LIN7B: variants seen among roughly 807,000 people sequenced by gnomAD.
LIN7B encodes lin-7 cell polarity scaffold B.
Under a neutral mutation model 27.9 loss-of-function variants are expected in LIN7B, and 16 were observed. That is an observed-to-expected ratio of 0.57 (90% CI 0.39 to 0.87). LIN7B has a LOEUF of 0.87. LIN7B is among the 40% of genes least tolerant of loss of function. The pLI, the probability that LIN7B is intolerant of heterozygous loss-of-function variation, is 0.00. For missense variants in LIN7B, 291 were observed against 288.5 expected (o/e 1.01, Z -0.06); for synonymous variants, 147 against 120.8 (o/e 1.22, Z -1.42).
chr19:49,115,345 C>A lies in LIN7B; in HGVS notation c.228+14C>A. 6.4e-7 allele frequency: 1 copy of A among 1,562,624 alleles called. No individual in the cohort carries two copies. Among genetic ancestry groups the A allele is most frequent in the Non-Finnish European group, 8.7e-7 (1 of 1,152,264 alleles). ...GCCACAGCCAAGGTGGGCCCCGCACCCCATTGCTCCTGGTGTCTATTTAAC... is the reference window on the plus strand; with the variant it reads ...GCCACAGCCAAGGTGGGCCCCGCACACCATTGCTCCTGGTGTCTATTTAAC... On this transcript the variant is annotated intron_variant, in intron 3 of 5. Transcript: ENST00000221459.
chr19:49,117,130 C>T (rs986992477), intron 4 of LIN7B, among the ~76,000 whole-genome samples: 4 of 151,650 alleles, frequency 2.6e-5, no homozygotes, highest in Non-Finnish European at 5.9e-5. Context: ...CCTGTAATCC[C>T]AGCTACTTGG....
At chr19:49,116,593 C>A in intron 4 of LIN7B, 121 bp downstream of exon 4, 2 of 929,508 alleles carry the variant, frequency 2.2e-6, no homozygotes, top group Non-Finnish European at 3.3e-6. Flanking sequence ...CTGTGCTGGG[C>A]AATGTTACAG....
rs1020560751 is a variant in LIN7B, at chr19:49,116,444, G to A, written c.410G>A (p.Gly137Glu). 8 of 1,614,198 alleles carry A rather than the reference G, an allele frequency of 5.0e-6. No individual in the cohort carries two copies. Among genetic ancestry groups the A allele is most frequent in the Non-Finnish European group, 6.8e-6 (8 of 1,180,022 alleles). ...VADRHGGLKR[G>E]DQLLSVNGVS... is the part of the protein sequence containing the mutation. Reference sequence around the variant, plus strand: ...GACCGCCATGGAGGCCTCAAGCGTGGGGATCAACTGTTGTCGGTGAACGGT... The same window carrying A: ...GACCGCCATGGAGGCCTCAAGCGTGAGGATCAACTGTTGTCGGTGAACGGT... The change falls in exon 4 of 6, where the codon GGG becomes GAG. Residue 137 changes from glycine (G) to glutamate (E), a missense_variant. Physicochemically the swap from Gly to Glu is moderately conservative, Grantham distance 98. Coordinates refer to ENST00000221459, the MANE Select transcript of LIN7B (RefSeq NM_022165.3).
intron 4 of LIN7B, among the ~76,000 whole-genome samples, chr19:49,117,433 C>G (rs925357274): frequency 2.0e-5 from 3 of 151,816 alleles, no homozygotes; most frequent in Non-Finnish European, 2.9e-5. Context: ...TGCAGAAGGA[C>G]CACTCTGGGA....
At chr19:49,114,505 C>T in intron 1 of LIN7B, 64 bp downstream of exon 1, 5 of 1,150,048 alleles carry the variant, frequency 4.3e-6, no homozygotes, top group Non-Finnish European at 5.4e-6. Context: ...CCCCCGGTCC[C>T]CGCCCTTCCC....
At position 49,117,968 on chromosome 19, in the gene LIN7B, G is replaced by A; in HGVS notation, c.552G>A (p.Arg184=). The change falls in exon 5 of 6, where the codon CGG becomes CGA. Residue 184 remains arginine, a synonymous_variant. Coordinates refer to ENST00000221459, the MANE Select transcript of LIN7B (RefSeq NM_022165.3). ...TPRVLEEMEA[R]FEKMRSARRR... is the part of the protein sequence containing the mutation. Reference sequence around the variant, plus strand: ...GAGTGCTGGAGGAGATGGAGGCCCGGTTCGAGAAGATGCGCTCTGCCCGCC... The same window carrying A: ...GAGTGCTGGAGGAGATGGAGGCCCGATTCGAGAAGATGCGCTCTGCCCGCC... The A allele has an allele frequency of 6.2e-7, 1 of 1,614,100 alleles. No individual in the cohort carries two copies. The highest frequency in any genetic ancestry group is 8.5e-7 in the Non-Finnish European group (1 of 1,179,976).
intron 3 of LIN7B, 185 bp from the exon 4 acceptor site, chr19:49,116,078 C>T (rs2040820760): frequency 1.8e-6 from 1 of 570,256 alleles, no homozygotes; most frequent in African/African-American, 1.9e-5. Flanking sequence ...GACACTTTCT[C>T]TTGCAAGTGA....
rs141490101 is a variant in LIN7B at position 49,117,858 on chromosome 19, G to A, written c.442G>A (p.Val148Ile). 1.1e-5 allele frequency: 17 copies of A among 1,613,540 alleles called. No individual in the cohort carries two copies. The highest frequency in any genetic ancestry group is 8.0e-5 in the African/African-American group (6 of 74,808). Reference sequence around the variant, plus strand: ...CTGTCTGTGTTGGGCCCTGCAGAGCGTTGAGGGTGAGCAGCATGAGAAGGC... The same window carrying A: ...CTGTCTGTGTTGGGCCCTGCAGAGCATTGAGGGTGAGCAGCATGAGAAGGC... ...DQLLSVNGVS[V>I]EGEQHEKAVE... The change falls in exon 5 of 6, where the codon GTT (valine) becomes ATT (isoleucine). Residue 148 changes from valine (V) to isoleucine (I), a missense_variant. Transcript: ENST00000221459.
At chr19:49,115,004 C>CCGT (rs1165873075) in intron 2 of LIN7B, 37 bp downstream of exon 2, 2 of 1,272,362 alleles carry the variant, frequency 1.6e-6, no homozygotes, top group Non-Finnish European at 2.1e-6. Flanking sequence ...GAGCTGGTGG[C>CCGT]CGTCGTCCTC....
At chr19:49,115,547 G>A in intron 3 of LIN7B, 3 of 555,116 alleles carry the variant, frequency 5.4e-6, no homozygotes, top group South Asian at 2.1e-5. Flanking sequence ...ATGGTTGGTA[G>A]AAGATAACCT....
chr19:49,114,837 C>G lies in LIN7B; in HGVS notation c.38-12C>G. On this transcript the variant is annotated splice_polypyrimidine_tract_variant and intron_variant, in intron 1 of 5. Transcript: ENST00000221459. Reference sequence around the variant, plus strand: ...ACACTCGGGGTTTCTGCGCCCCGCCCCCGCCCCGCAGACGTGTCCCGGGCG... The same window carrying G: ...ACACTCGGGGTTTCTGCGCCCCGCCGCCGCCCCGCAGACGTGTCCCGGGCG... The G allele has an allele frequency of 7.1e-7, 1 of 1,414,702 alleles. No individual in the cohort carries two copies. The allele number at this position is 1,414,702 out of a possible 1,614,324, so 87.6% of individuals were successfully genotyped here.
At chr19:49,117,257 A>C (rs960481635) in intron 4 of LIN7B, among the ~76,000 whole-genome samples, 8 of 145,634 alleles carry the variant, frequency 5.5e-5, no homozygotes, top group East Asian at 3.9e-4. Context: ...AAAAAAAAAA[A>C]AAAAAACAAA....
chr19:49,116,374 A>AT lies in LIN7B; in HGVS notation c.340_341insT (p.Asn114IlefsTer16). On this transcript the variant is annotated frameshift_variant, in exon 4 of 6. Transcript: ENST00000221459. LOFTEE classifies it high-confidence loss of function. ...CAACATCATGGGTGGCAAAGAGCAA[A>AT]ACTCGCCCATCTACATCTCCCGGGT... 4 of 1,614,174 alleles carry AT rather than the reference A, an allele frequency of 2.5e-6. No individual in the cohort carries two copies. The highest frequency in any genetic ancestry group is 3.4e-6 in the Non-Finnish European group (4 of 1,180,022).
At chr19:49,116,796 G>A (rs780910440) in intron 4 of LIN7B, among the ~76,000 whole-genome samples, 2 of 152,220 alleles carry the variant, frequency 1.3e-5, no homozygotes, top group African/African-American at 2.4e-5. Context: ...CATTTGGGTT[G>A]GGTGTTAAAG....
In LIN7B at chr19:49,114,878, C is replaced by T; in HGVS notation, c.67C>T (p.Arg23Trp). ...DVSRAVELLE[R>W]LQRSGELPPQ... ...GTCCCGGGCGGTTGAGCTCCTCGAG[C>T]GGCTCCAGCGCAGCGGGGAGCTGCC... The change falls in exon 2 of 6, where the codon CGG (arginine) becomes TGG (tryptophan). Residue 23 changes from arginine to tryptophan, a missense_variant. Transcript: ENST00000221459. The T allele has an allele frequency of 1.4e-6, 2 of 1,471,630 alleles. No individual in the cohort carries two copies. Among genetic ancestry groups the T allele is most frequent in the Non-Finnish European group, 1.8e-6 (2 of 1,115,526 alleles). 91.2% of individuals were successfully genotyped at this position (1,471,630 alleles called of 1,614,324 possible). A position where few individuals can be genotyped will look rare whatever the true frequency, so the allele number is the denominator to read the frequency against.
Position 49,116,274 on chromosome 19 carries a change from T to G in LIN7B, c.240T>G (p.Ala80=). The change falls in exon 4 of 6, where the codon GCT becomes GCG. Residue 80 remains alanine (A), a synonymous_variant. Coordinates refer to ENST00000221459, the MANE Select transcript of LIN7B (RefSeq NM_022165.3). The stretch of plus-strand genomic sequence containing the variant: ...TTTCTCTCTCCCAGGCCACAGTGGC[T>G]GCCTTCACAGCCAGCGAGGGCCACG... ...RAHATAKATV[A]AFTASEGHAH... The G allele has an allele frequency of 6.2e-7, 1 of 1,613,174 alleles. No homozygotes were observed. Among genetic ancestry groups the G allele is most frequent in the Non-Finnish European group, 8.5e-7 (1 of 1,179,486 alleles).
At chr19:49,118,056 G>C in intron 5 of LIN7B, 38 bp downstream of exon 5, 1 of 1,609,624 alleles carries the variant, frequency 6.2e-7, no homozygotes, top group Middle Eastern at 1.7e-4. Context: ...GGGCCTCCAC[G>C]GGCTCCCTTT....
chr19:49,115,370 C>CT, intron 3 of LIN7B, 39 bp downstream of exon 3: 1 of 1,519,622 alleles, frequency 6.6e-7, no homozygotes. Context: ...GTCTATTTAA[C>CT]TGCCTAGTCG....
chr19:49,115,299 A>G lies in LIN7B; in HGVS notation c.196A>G (p.Ser66Gly), dbSNP rs1244149743. The change falls in exon 3 of 6, where the codon AGC (serine) becomes GGC (glycine). Residue 66 changes from serine (S) to glycine (G), a missense_variant. Physicochemically the swap from Ser to Gly is moderately conservative, Grantham distance 56. Coordinates refer to ENST00000221459, the MANE Select transcript of LIN7B (RefSeq NM_022165.3). ...TTATGACACGCTGGACATCACCGGC[A>G]GCGCCGAGATCCGAGCCCATGCCAC... ...QLYDTLDITG[S>G]AEIRAHATAK... 5 of 1,569,650 alleles carry G rather than the reference A, an allele frequency of 3.2e-6. No homozygotes were observed. The East Asian group carries it at 7.0e-5, about 22-fold the overall frequency.
Sources: allele counts gnomAD v4.1 joint callset (sites outside exome capture counted in the v4.1 genomes callset), GRCh38; gene constraint gnomAD v4.1.1; transcripts MANE v1.5; gene names NCBI Gene and HGNC (gene_info 2026-07-23, HGNC 2026-07-21).